The following PTPRD variants were observed in gnomAD, a reference collection of about 807,000 sequenced individuals.
PTPRD encodes the protein protein tyrosine phosphatase receptor type D, also known as receptor-type tyrosine-protein phosphatase delta.
In PTPRD, 34 loss-of-function variants were observed where a neutral mutation model predicts 214.5. The ratio of observed to expected loss-of-function variants is 0.16; its 90% CI spans 0.12 to 0.21. PTPRD has a LOEUF of 0.21. Ranked by LOEUF, PTPRD falls within the 10% of genes least tolerant of loss-of-function variation. The pLI is 1.00. For missense variants in PTPRD, 2,545 were observed against 2,398.7 expected (o/e 1.06, Z -1.27); for synonymous variants, 1,128 against 845.7 (o/e 1.33, Z -5.79).
intron 14 of PTPRD, among the ~76,000 whole-genome samples, chr9:8,571,136 T>A (rs1270485003): frequency 6.6e-6 from 1 of 152,086 alleles, no homozygotes. Context: ...AATAAGCCCA[T>A]TTGGTGTTTA....
intron 3 of PTPRD, among the ~76,000 whole-genome samples, chr9:10,292,164 C>T (rs1188898167): frequency 6.6e-6 from 1 of 152,014 alleles, no homozygotes; most frequent in Non-Finnish European, 1.5e-5. Flanking sequence ...TCATAAAAGA[C>T]AGCACATTTT....
intron 9 of PTPRD, among the ~76,000 whole-genome samples, chr9:9,275,135 TA>T (rs1219294753): frequency 9.8e-4 from 55 of 56,244 alleles, no homozygotes; most frequent in Admixed American, 3.8e-3. Context: ...ATATTATATA[TA>T]ATATATATAT....
chr9:10,418,451 A>G (rs2098515078), intron 2 of PTPRD, among the ~76,000 whole-genome samples: 1 of 58,386 alleles, frequency 1.7e-5, no homozygotes, highest in African/African-American at 1.0e-4. Context: ...CCCTCTACAC[A>G]CACACACACA....
At chr9:8,822,450 C>CT (rs1449578093) in intron 11 of PTPRD, among the ~76,000 whole-genome samples, 2 of 152,296 alleles carry the variant, frequency 1.3e-5, no homozygotes, top group Admixed American at 6.5e-5. Flanking sequence ...CAGGCGCTCA[C>CT]TACAATTTGG....
At chr9:9,976,042 C>T (rs2095339441) in intron 4 of PTPRD, among the ~76,000 whole-genome samples, 1 of 152,140 alleles carries the variant, frequency 6.6e-6, no homozygotes, top group Non-Finnish European at 1.5e-5. Flanking sequence ...TCAAATGAGG[C>T]CCACATATTC....
At chr9:9,108,605 C>T (rs572842871) in intron 10 of PTPRD, among the ~76,000 whole-genome samples, 7 of 152,090 alleles carry the variant, frequency 4.6e-5, no homozygotes, top group African/African-American at 1.2e-4. Context: ...TTATGGTAAC[C>T]GAAGCAATGG....
At chr9:8,608,414 T>C (rs2095319486) in intron 14 of PTPRD, among the ~76,000 whole-genome samples, 1 of 152,284 alleles carries the variant, frequency 6.6e-6, no homozygotes, top group African/African-American at 2.4e-5. Flanking sequence ...TTCCAAACTC[T>C]AGAATGCCAC....
intron 10 of PTPRD, among the ~76,000 whole-genome samples, chr9:9,041,076 G>A (rs1255205475): frequency 1.3e-5 from 2 of 152,050 alleles, no homozygotes; most frequent in Admixed American, 6.6e-5. Context: ...CTATGTAAAT[G>A]CTATGACTGT....
At position 9,810,715 on chromosome 9, in the gene PTPRD, G is replaced by A. The variant is rs562752996; in HGVS notation, c.-367-43864C>T. Among the ~76,000 whole-genome samples, 7 of 151,966 alleles carry A rather than the reference G, an allele frequency of 4.6e-5. No individual in the cohort carries two copies. In the South Asian group the frequency reaches 1.5e-3, roughly 32 times the overall value. On this transcript the variant is annotated intron_variant, in intron 5 of 45. Coordinates refer to ENST00000381196, the MANE Select transcript of PTPRD (RefSeq NM_002839.4). Reference sequence around the variant, plus strand: ...GTATAAAGGATATCAATGTTTTTATGCCTGCTAACACAATATCCATACTGC... The same window carrying A: ...GTATAAAGGATATCAATGTTTTTATACCTGCTAACACAATATCCATACTGC...
chr9:8,826,061 A>C (rs2097168890), intron 11 of PTPRD, among the ~76,000 whole-genome samples: 1 of 152,152 alleles, frequency 6.6e-6, no homozygotes, highest in Non-Finnish European at 1.5e-5. Flanking sequence ...CCAGCTTTTA[A>C]GATGGAGTTG....
At chr9:8,596,086 T>C (rs1319248522) in intron 14 of PTPRD, among the ~76,000 whole-genome samples, 3 of 152,162 alleles carry the variant, frequency 2.0e-5, no homozygotes, top group African/African-American at 7.2e-5. Flanking sequence ...TTCACAAAAG[T>C]AATATATCCT....
At chr9:9,624,332 G>C (rs1051466260) in intron 7 of PTPRD, among the ~76,000 whole-genome samples, 3 of 151,970 alleles carry the variant, frequency 2.0e-5, no homozygotes, top group African/African-American at 7.3e-5. Flanking sequence ...ACCCAGGCTG[G>C]AGTACAGTGG....
intron 12 of PTPRD, among the ~76,000 whole-genome samples, chr9:8,637,925 A>G (rs1283585348): frequency 1.3e-5 from 2 of 152,180 alleles, no homozygotes; most frequent in Non-Finnish European, 2.9e-5. Flanking sequence ...GCAGATAATG[A>G]AAAATGCACA....
chr9:9,839,117 T>C (rs2057636803), intron 5 of PTPRD, among the ~76,000 whole-genome samples: 1 of 152,186 alleles, frequency 6.6e-6, no homozygotes, highest in South Asian at 2.1e-4. Context: ...TGCTGTTCCA[T>C]TGATCTATAT....
chr9:9,839,747 C>T (rs568912958), intron 5 of PTPRD, among the ~76,000 whole-genome samples: 4 of 152,118 alleles, frequency 2.6e-5, no homozygotes, highest in African/African-American at 9.7e-5. Context: ...ATCGCCAAGT[C>T]AGTCCTAAGC....
intron 5 of PTPRD, among the ~76,000 whole-genome samples, chr9:9,896,556 T>C (rs536524675): frequency 2.0e-5 from 3 of 152,126 alleles, no homozygotes; most frequent in African/African-American, 7.2e-5. Context: ...TCTACAATGA[T>C]TGGCAAAAGA....
intron 3 of PTPRD, among the ~76,000 whole-genome samples, chr9:10,262,335 C>G (rs191893823): frequency 6.6e-6 from 1 of 152,176 alleles, no homozygotes; most frequent in Admixed American, 6.5e-5. Flanking sequence ...GATACTATCA[C>G]AATACCTTAC....
chr9:9,484,467 G>C (rs1275580053), intron 8 of PTPRD, among the ~76,000 whole-genome samples: 1 of 152,146 alleles, frequency 6.6e-6, no homozygotes, highest in Non-Finnish European at 1.5e-5. Context: ...TCTTGATCTG[G>C]AGGTGGCTAC....
At chr9:9,971,508 C>T (rs1376788847) in intron 4 of PTPRD, among the ~76,000 whole-genome samples, 1 of 152,092 alleles carries the variant, frequency 6.6e-6, no homozygotes, top group Non-Finnish European at 1.5e-5. Context: ...TTATAAAAAG[C>T]AACAAAACTT....
Sources: gnomAD v4.1 joint callset for allele counts (sites outside exome capture counted in the v4.1 genomes callset) on GRCh38, gnomAD v4.1.1 for gene constraint, MANE v1.5 for transcripts, NCBI Gene and HGNC (gene_info 2026-07-23, HGNC 2026-07-21) for gene names.